MYO1F: variants seen among roughly 807,000 people sequenced by gnomAD.
MYO1F encodes myosin IF.
In MYO1F, 60 loss-of-function variants were observed where a neutral mutation model predicts 146.6. The observed-to-expected ratio is 0.41, with a 90% CI of 0.33 to 0.51. The LOEUF is 0.51. Among genes scored for constraint, MYO1F ranks in the 20% least tolerant of loss-of-function variants. MYO1F has a pLI of 0.25. For missense variants in MYO1F, 1,274 were observed against 1,534.3 expected (o/e 0.83, Z 2.83); for synonymous variants, 602 against 602.1 (o/e 1.00, Z 0.00).
rs971560581 is a variant in MYO1F at position 8,549,929 on chromosome 19, T to C, written c.1101+231A>G. 7 of 599,644 alleles carry C rather than the reference T, an allele frequency of 1.2e-5. No individual in the cohort carries two copies. The African/African-American group carries it at 1.3e-4, about 11-fold the overall frequency. The allele number at this position is 599,644 out of a possible 1,614,324, so 37.1% of individuals were successfully genotyped here. The stretch of plus-strand genomic sequence containing the variant: ...GATCCCCCAACCTCAGCCCTCTGAG[T>C]AGCCAGAACTACACATGCACACCAC... On this transcript the variant is annotated intron_variant, in intron 10 of 27. Coordinates refer to ENST00000644032, the MANE Select transcript of MYO1F (RefSeq NM_012335.4).
Position 8,521,617 on chromosome 19 carries a change from G to A in MYO1F, c.3221-13C>T, listed in dbSNP as rs897001491. 2 of 1,613,812 alleles carry A rather than the reference G, an allele frequency of 1.2e-6. No homozygotes were observed. The highest frequency in any genetic ancestry group is 2.2e-5 in the East Asian group (1 of 44,886). On this transcript the variant is annotated splice_polypyrimidine_tract_variant and intron_variant, in intron 27 of 27. Coordinates refer to ENST00000644032, the MANE Select transcript of MYO1F (RefSeq NM_012335.4). ...CAGCCCGAGGGATCTGTGGGAGAGA[G>A]GAAAGCTTGAGGTGCCCCTAGCTGG...
intron 10 of MYO1F, chr19:8,549,389 G>C (rs60971689): frequency 6.6e-6 from 1 of 151,682 alleles, no homozygotes; most frequent in African/African-American, 2.4e-5. Context: ...TTCCACCTCA[G>C]CCTCCTGAGT....
chr19:8,521,371 G>A lies in MYO1F; in HGVS notation c.*157C>T. 2 of 753,982 alleles carry A rather than the reference G, an allele frequency of 2.7e-6. No individual in the cohort carries two copies. The highest frequency in any genetic ancestry group is 4.6e-6 in the Non-Finnish European group (2 of 431,972). 46.7% of individuals were successfully genotyped at this position (753,982 alleles called of 1,614,324 possible). A position where few individuals can be genotyped will look rare whatever the true frequency, so the allele number is the denominator to read the frequency against. On this transcript the variant is annotated 3_prime_UTR_variant, in exon 28 of 28. Coordinates refer to ENST00000644032, the MANE Select transcript of MYO1F (RefSeq NM_012335.4). ...GGGCGGGGGCTGCAGCAGTGACCTG[G>A]TGACCCAGGGCCTGGGCAGGACTGG...
intron 19 of MYO1F, among the ~76,000 whole-genome samples, chr19:8,534,936 A>T (rs1233741539): frequency 7.7e-6 from 1 of 129,194 alleles, no homozygotes; most frequent in Non-Finnish European, 1.6e-5. Flanking sequence ...ATTTTACTAA[A>T]ATTAAATTAC....
chr19:8,574,652 TTCTC>T (rs1408143228), intron 1 of MYO1F, among the ~76,000 whole-genome samples: 1 of 56,900 alleles, frequency 1.8e-5, no homozygotes, highest in African/African-American at 4.7e-5. Context: ...TTTCCTTTCT[TTCTC>T]TTTCTTCTTT....
intron 16 of MYO1F, among the ~76,000 whole-genome samples, chr19:8,539,363 G>A (rs565881619): frequency 4.6e-5 from 7 of 151,806 alleles, no homozygotes; most frequent in African/African-American, 9.7e-5. Context: ...GTGGTGAGCC[G>A]AGATCACGCC....
intron 12 of MYO1F, 24 bp downstream of exon 12, chr19:8,548,012 A>G: frequency 5.4e-6 from 3 of 557,560 alleles, no homozygotes; most frequent in African/African-American, 2.9e-5. Context: ...AGGATCCCCC[A>G]TCCCTGACTG....
rs187556951 is a variant in MYO1F at position 8,554,464 on chromosome 19, A to G, written c.326+13T>C. ...GGGCAGCAGGGTCTGTGGCCCCCCAACTCTGTCCATACCTAATGATGACAC... is the reference window on the plus strand; with the variant it reads ...GGGCAGCAGGGTCTGTGGCCCCCCAGCTCTGTCCATACCTAATGATGACAC... On this transcript the variant is annotated intron_variant, in intron 4 of 27. Coordinates refer to ENST00000644032, the MANE Select transcript of MYO1F (RefSeq NM_012335.4). 1.8e-5 allele frequency: 29 copies of G among 1,597,280 alleles called. No homozygotes were observed. In the East Asian group the frequency reaches 6.3e-4, roughly 34 times the overall value.
In MYO1F at chr19:8,537,067, G is replaced by A. The variant is rs373972277; in HGVS notation, c.1693-12C>T. 9.5e-6 allele frequency: 15 copies of A among 1,583,528 alleles called. No homozygotes were observed. In the African/African-American group the frequency reaches 1.9e-4, roughly 20 times the overall value. ...TCGTTGGCTTGTTTCTGAGGCAGAA[G>A]TGAAGACGGGTGGGTGGGGGGCACA... On this transcript the variant is annotated splice_polypyrimidine_tract_variant and intron_variant, in intron 16 of 27. Coordinates refer to ENST00000644032, the MANE Select transcript of MYO1F (RefSeq NM_012335.4).
chr19:8,544,027 TG>T, intron 14 of MYO1F: 19 of 473,222 alleles, frequency 4.0e-5, no homozygotes, highest in Non-Finnish European at 6.8e-5. Flanking sequence ...GCGGTGGCGG[TG>T]GCGGTGGCGG....
In MYO1F at chr19:8,548,378, A is replaced by C; in HGVS notation, c.1102-61T>G. On this transcript the variant is annotated intron_variant, in intron 10 of 27. Transcript: ENST00000644032. ...TCGGTCAGATCTGAAGCCCCTGCCC[A>C]CCACTCCTTAGACACACGCCTAGCC... 2.0e-6 allele frequency: 3 copies of C among 1,519,960 alleles called. No homozygotes were observed. The South Asian group carries it at 3.4e-5, about 17-fold the overall frequency. 94.2% of individuals were successfully genotyped at this position (1,519,960 alleles called of 1,614,324 possible). A position where few individuals can be genotyped will look rare whatever the true frequency, so the allele number is the denominator to read the frequency against.
chr19:8,548,002 A>G, intron 12 of MYO1F, 34 bp downstream of exon 12: 5 of 506,760 alleles, frequency 9.9e-6, no homozygotes, highest in Non-Finnish European at 1.6e-5. Flanking sequence ...CCCCCACCCC[A>G]GGATCCCCCA....
At chr19:8,550,778 C>T (rs1568357832) in intron 8 of MYO1F, 84 bp from the exon 9 acceptor site, 8 of 1,593,998 alleles carry the variant, frequency 5.0e-6, no homozygotes, top group Middle Eastern at 1.8e-4. Context: ...GACCACAGCA[C>T]GGACTCAGGG....
intron 1 of MYO1F, among the ~76,000 whole-genome samples, chr19:8,560,807 C>T (rs4605306): frequency 0.49 from 73,314 of 148,970 alleles, 18,795 homozygotes; most frequent in East Asian, 0.63. Context: ...GGCACGATCT[C>T]GGCTCACTGC....
At chr19:8,531,990 T>C (rs1972506556) in intron 19 of MYO1F, among the ~76,000 whole-genome samples, 2 of 152,020 alleles carry the variant, frequency 1.3e-5, no homozygotes, top group South Asian at 4.1e-4. Flanking sequence ...TGGTGGCGCA[T>C]GCCTGTCATC....
At position 8,550,557 on chromosome 19, in the gene MYO1F, C is replaced by G; in HGVS notation, c.904+5G>C. 1 of 1,614,192 alleles carries G rather than the reference C, an allele frequency of 6.2e-7. No homozygotes were observed. Among genetic ancestry groups the G allele is most frequent in the Non-Finnish European group, 8.5e-7 (1 of 1,180,034 alleles). On this transcript the variant is annotated splice_donor_5th_base_variant and intron_variant, in intron 9 of 27. Transcript: ENST00000644032. ...CATCCAGCCCTCCCTGATACCCACA[C>G]TCACGGTCCACACTCTCCACTCGGG...
chr19:8,570,830 C>A (rs1382741549), intron 1 of MYO1F, among the ~76,000 whole-genome samples: 1 of 152,146 alleles, frequency 6.6e-6, no homozygotes, highest in Non-Finnish European at 1.5e-5. Context: ...AATAGTGTGG[C>A]CTTGGGAGTC....
Position 8,571,986 on chromosome 19 carries a change from G to A in MYO1F, c.3+5321C>T, listed in dbSNP as rs114879819. On this transcript the variant is annotated intron_variant, in intron 1 of 27. Coordinates refer to ENST00000644032, the MANE Select transcript of MYO1F (RefSeq NM_012335.4). ...GATCCGCACGCCTCGGCCTCCTAAA[G>A]TATTGGGATTACAGGCGTAAGCCAC... Among the ~76,000 whole-genome samples the A allele has an allele frequency of 4.5e-3, 681 of 152,152 alleles. 4 individuals are homozygous for A. The highest frequency in any genetic ancestry group is 0.016 in the African/African-American group (647 of 41,506).
chr19:8,573,101 G>A (rs2145990497), intron 1 of MYO1F, among the ~76,000 whole-genome samples: 1 of 152,286 alleles, frequency 6.6e-6, no homozygotes, highest in African/African-American at 2.4e-5. Context: ...GAGGTCAGGA[G>A]ATCGAGACCA....
Sources: gnomAD v4.1 joint callset for allele counts (sites outside exome capture counted in the v4.1 genomes callset) on GRCh38, gnomAD v4.1.1 for gene constraint, MANE v1.5 for transcripts, NCBI Gene and HGNC (gene_info 2026-07-23, HGNC 2026-07-21) for gene names.